Variants in LANCL1 observed in about 807,000 individuals in gnomAD.
LANCL1 encodes the protein LanC like glutathione S-transferase 1, also known as glutathione S-transferase LANCL1.
Under a neutral mutation model 50.6 loss-of-function variants are expected in LANCL1, and 50 were observed. The ratio of observed to expected loss-of-function variants is 0.99; its 90% CI spans 0.79 to 1.25. The LOEUF is 1.25. Ranked by LOEUF, LANCL1 falls within the 50% of genes most tolerant of loss-of-function variation. LANCL1 has a pLI of 0.00. For synonymous variants in LANCL1, 188 were observed against 178.6 expected, an observed-to-expected ratio of 1.05 and a Z score of -0.42; for missense variants, 532 against 480.7, an observed-to-expected ratio of 1.11 and a Z score of -1.00.
At chr2:210,470,762 T>G (rs1694201166) in intron 3 of LANCL1, among the ~76,000 whole-genome samples, 1 of 152,210 alleles carries the variant, frequency 6.6e-6, no homozygotes, top group Admixed American at 6.5e-5. Flanking sequence ...GATCACCATC[T>G]GCATCAGGAC....
At chr2:210,457,248 AG>A (rs1693699434) in intron 3 of LANCL1, among the ~76,000 whole-genome samples, 1 of 152,226 alleles carries the variant, frequency 6.6e-6, no homozygotes, top group Non-Finnish European at 1.5e-5. Context: ...AAATCAGCCC[AG>A]GTCAGGAAAA....
At chr2:210,471,612 C>T (rs745456400) in intron 3 of LANCL1, 12 of 481,044 alleles carry the variant, frequency 2.5e-5, no homozygotes, top group Non-Finnish European at 4.1e-5. Flanking sequence ...CCGCTTCAGG[C>T]ATTGTATTTT....
chr2:210,466,923 T>C (rs981588468), intron 3 of LANCL1, among the ~76,000 whole-genome samples: 1 of 151,732 alleles, frequency 6.6e-6, no homozygotes, highest in East Asian at 1.9e-4. Flanking sequence ...AAGGAGATCA[T>C]GAGAGAGATG....
chr2:210,463,167 C>G (rs903344683), intron 3 of LANCL1, among the ~76,000 whole-genome samples: 6 of 151,924 alleles, frequency 3.9e-5, no homozygotes, highest in Non-Finnish European at 4.4e-5. Context: ...TTTTTCTTAT[C>G]GGTGAAATGA....
intron 3 of LANCL1, among the ~76,000 whole-genome samples, chr2:210,470,029 TC>T (rs1694178904): frequency 6.6e-6 from 1 of 151,444 alleles, no homozygotes; most frequent in Non-Finnish European, 1.5e-5. Flanking sequence ...TAGAAAAAGA[TC>T]TGTAAGTTTG....
At chr2:210,435,046 C>T (rs1692877873) in intron 9 of LANCL1, among the ~76,000 whole-genome samples, 1 of 152,104 alleles carries the variant, frequency 6.6e-6, no homozygotes, top group Non-Finnish European at 1.5e-5. Context: ...AGTCACAGCC[C>T]TGCCATTTAC....
chr2:210,438,827 C>A (rs1693028585), intron 6 of LANCL1, among the ~76,000 whole-genome samples: 1 of 152,162 alleles, frequency 6.6e-6, no homozygotes, highest in South Asian at 2.1e-4. Flanking sequence ...ATTTTTGATA[C>A]ACATTTTAGT....
At chr2:210,441,488 G>T in intron 4 of LANCL1, 45 bp from the exon 5 acceptor site, 2 of 1,535,448 alleles carry the variant, frequency 1.3e-6, no homozygotes, top group East Asian at 2.3e-5. Context: ...AAGGAACCAG[G>T]TATTGGTGTA....
At chr2:210,434,774 G>A (rs1212344790) in intron 9 of LANCL1, among the ~76,000 whole-genome samples, 1 of 151,978 alleles carries the variant, frequency 6.6e-6, no homozygotes, top group Non-Finnish European at 1.5e-5. Flanking sequence ...TGTCCTCTTG[G>A]CCCTCCTCCT....
In LANCL1 at chr2:210,434,382, C is replaced by T; in HGVS notation, c.*105G>A. On this transcript the variant is annotated 3_prime_UTR_variant, in exon 10 of 10. Coordinates refer to ENST00000450366, the MANE Select transcript of LANCL1 (RefSeq NM_006055.3). ...TGAAAAAAGCTAACAAAATCAAGTCCACAGTTTGACTCTTTGTTTCCTTGG... is the reference window on the plus strand; with the variant it reads ...TGAAAAAAGCTAACAAAATCAAGTCTACAGTTTGACTCTTTGTTTCCTTGG... 1.3e-6 allele frequency: 1 copy of T among 750,436 alleles called. No individual in the cohort carries two copies. Among genetic ancestry groups the T allele is most frequent in the East Asian group, 2.7e-5 (1 of 36,574 alleles). The allele number at this position is 750,436 out of a possible 1,614,324, so 46.5% of individuals were successfully genotyped here. A position where few individuals can be genotyped will look rare whatever the true frequency, so the allele number is the denominator to read the frequency against.
In LANCL1 at chr2:210,434,149, T is replaced by C. The variant is rs905250731; in HGVS notation, c.*338A>G. 2 of 178,090 alleles carry C rather than the reference T, an allele frequency of 1.1e-5. No individual in the cohort carries two copies. Among genetic ancestry groups the C allele is most frequent in the South Asian group, 3.7e-4 (2 of 5,470 alleles). The allele number at this position is 178,090 out of a possible 1,614,324, so 11.0% of individuals were successfully genotyped here. A position where few individuals can be genotyped will look rare whatever the true frequency, so the allele number is the denominator to read the frequency against. The stretch of plus-strand genomic sequence containing the variant: ...ATCTGTATTGAGTTTCTTTTAAACA[T>C]TTTTAGAACAGTAACAGATGGTTAT... On this transcript the variant is annotated 3_prime_UTR_variant, in exon 10 of 10. Transcript: ENST00000450366.
At chr2:210,457,730 ATCTG>A (rs530658001) in intron 3 of LANCL1, among the ~76,000 whole-genome samples, 15 of 152,214 alleles carry the variant, frequency 9.9e-5, no homozygotes, top group African/African-American at 1.4e-4. Flanking sequence ...TTTCTCTAGT[ATCTG>A]TCTATTTCTA....
At position 210,432,329 on chromosome 2, in the gene LANCL1, G is replaced by A. The variant is rs1034734645; in HGVS notation, c.*2158C>T. On this transcript the variant is annotated 3_prime_UTR_variant, in exon 10 of 10. Transcript: ENST00000450366. ...AACCAAACTCTAATTGTGTTTGTGT[G>A]GATGAATTTGCTAACTGATGACAGT... 9 of 152,152 alleles carry A rather than the reference G, an allele frequency of 5.9e-5. No individual in the cohort carries two copies. The highest frequency in any genetic ancestry group is 1.9e-4 in the African/African-American group (8 of 41,440). 9.4% of individuals were successfully genotyped at this position (152,152 alleles called of 1,614,324 possible). A position where few individuals can be genotyped will look rare whatever the true frequency, so the allele number is the denominator to read the frequency against.
At chr2:210,471,476 G>T in intron 3 of LANCL1, 1 of 415,364 alleles carries the variant, frequency 2.4e-6, no homozygotes, top group South Asian at 1.8e-5. Context: ...TGACCATATG[G>T]GAGGATTAGT....
chr2:210,476,440 A>G, intron 1 of LANCL1, 28 bp from the exon 2 acceptor site: 1 of 1,595,162 alleles, frequency 6.3e-7, no homozygotes, highest in Non-Finnish European at 8.6e-7. Flanking sequence ...AACAGAAACT[A>G]GGTTGAGATA....
At chr2:210,463,772 A>G (rs968122056) in intron 3 of LANCL1, among the ~76,000 whole-genome samples, 2 of 152,208 alleles carry the variant, frequency 1.3e-5, no homozygotes, top group Admixed American at 1.3e-4. Flanking sequence ...TTTAGACAAT[A>G]TGGGACAGCT....
chr2:210,451,841 T>G (rs1342589641), intron 4 of LANCL1, among the ~76,000 whole-genome samples: 6 of 152,220 alleles, frequency 3.9e-5, no homozygotes, highest in Non-Finnish European at 8.8e-5. Flanking sequence ...AATGGAATAT[T>G]ATTCAGTCAT....
intron 3 of LANCL1, chr2:210,469,050 T>G (rs553574801): frequency 2.6e-5 from 4 of 152,352 alleles, no homozygotes; most frequent in Admixed American, 6.5e-5. Flanking sequence ...CATGCAGTTT[T>G]CTCATGCTGA....
intron 3 of LANCL1, among the ~76,000 whole-genome samples, chr2:210,470,211 T>C (rs1694185972): frequency 6.6e-6 from 1 of 152,206 alleles, no homozygotes; most frequent in Non-Finnish European, 1.5e-5. Flanking sequence ...CAGTAGATAA[T>C]AAATGGCAGC....
Sources: allele counts gnomAD v4.1 joint callset (sites outside exome capture counted in the v4.1 genomes callset), GRCh38; gene constraint gnomAD v4.1.1; transcripts MANE v1.5; gene names NCBI Gene and HGNC (gene_info 2026-07-23, HGNC 2026-07-21).